SLC9B2: variants seen among roughly 807,000 people sequenced by gnomAD.
The protein encoded by SLC9B2 is sodium/hydrogen exchanger 9B2.
A neutral mutation model predicts 52.2 loss-of-function variants in SLC9B2; 39 were observed. The ratio of observed to expected loss-of-function variants is 0.75; its 90% CI spans 0.58 to 0.98. The LOEUF (loss-of-function observed/expected upper bound fraction) is 0.98, where lower values mean the gene tolerates loss of function less well. SLC9B2 is among the 50% of genes least tolerant of loss of function. The probability of loss-of-function intolerance (pLI) is 0.00; values close to 1 mark genes in which losing one functional copy is unlikely to be tolerated. For synonymous variants in SLC9B2, 214 were observed against 227.0 expected (o/e 0.94, Z 0.51); for missense variants, 626 against 637.5 (o/e 0.98, Z 0.19).
At chr4:103,068,861 T>TA (rs1746377450) in intron 1 of SLC9B2, among the ~76,000 whole-genome samples, 1 of 152,120 alleles carries the variant, frequency 6.6e-6, no homozygotes, top group African/African-American at 2.4e-5. Context: ...AAGGATGAAT[T>TA]AGACAGGACC....
intron 3 of SLC9B2, among the ~76,000 whole-genome samples, chr4:103,062,262 T>G (rs903572531): frequency 2.0e-5 from 3 of 151,902 alleles, no homozygotes; most frequent in Non-Finnish European, 2.9e-5. Flanking sequence ...CTCTACTAAA[T>G]ACAAAAATTA....
At chr4:103,037,238 A>G (rs533060102) in intron 9 of SLC9B2, among the ~76,000 whole-genome samples, 225 of 151,888 alleles carry the variant, frequency 1.5e-3, no homozygotes, top group African/African-American at 5.1e-3. Context: ...CAATTATTTC[A>G]ATGTTTAATC....
downstream of SLC9B2, among the ~76,000 whole-genome samples, chr4:103,018,192 T>A (rs1251421292): frequency 6.6e-6 from 1 of 152,180 alleles, no homozygotes; most frequent in East Asian, 1.9e-4. Flanking sequence ...AGAAGTACTA[T>A]AAAAACGATA....
intron 6 of SLC9B2, among the ~76,000 whole-genome samples, chr4:103,047,528 T>A (rs1744271844): frequency 6.7e-6 from 1 of 149,232 alleles, no homozygotes; most frequent in Non-Finnish European, 1.5e-5. Flanking sequence ...TATCTCCTAA[T>A]GCTATCCCTC....
chr4:103,035,380 T>C lies in SLC9B2; in HGVS notation c.1147-3572A>G, dbSNP rs6837658. Among the ~76,000 whole-genome samples, 1,405 of 152,198 alleles carry C rather than the reference T, an allele frequency of 9.2e-3. 21 individuals are homozygous for C. The highest frequency in any genetic ancestry group is 0.032 in the African/African-American group (1,344 of 41,548). On this transcript the variant is annotated intron_variant, in intron 9 of 11. Coordinates refer to ENST00000394785, the MANE Select transcript of SLC9B2 (RefSeq NM_178833.7). ...CACCACATTTTCTTTATTCAATGTA[T>C]CATTAATGGGCATTTATGTTGATTT...
intron 9 of SLC9B2, among the ~76,000 whole-genome samples, chr4:103,042,887 TA>T (rs776923089): frequency 4.6e-5 from 7 of 152,096 alleles, no homozygotes; most frequent in Admixed American, 4.6e-4. Flanking sequence ...TAATTGGCAC[TA>T]TTTTTTTTCT....
At chr4:103,048,853 G>T (rs781364451) in intron 6 of SLC9B2, 40 bp downstream of exon 6, 2 of 1,606,122 alleles carry the variant, frequency 1.2e-6, no homozygotes, top group Non-Finnish European at 1.7e-6. Flanking sequence ...AGCCCTAAAT[G>T]TCCCTACATA....
At chr4:103,074,869 G>A (rs1746972484) in intron 1 of SLC9B2, among the ~76,000 whole-genome samples, 1 of 152,128 alleles carries the variant, frequency 6.6e-6, no homozygotes, top group Non-Finnish European at 1.5e-5. Context: ...CACCTTCTCA[G>A]TATTTCCTAA....
rs1365532313 is a variant in SLC9B2 at position 103,022,509 on chromosome 4, CTT to C, written c.*3859_*3860del. Among the ~76,000 whole-genome samples the C allele has an allele frequency of 6.6e-6, 1 of 152,044 alleles. No individual in the cohort carries two copies. Among genetic ancestry groups the C allele is most frequent in the Non-Finnish European group, 1.5e-5 (1 of 67,996 alleles). On this transcript the variant is annotated 3_prime_UTR_variant, in exon 12 of 12. Transcript: ENST00000394785. ...ACATGTTTATATTAGTTTCAGTTTT[CTT>C]GTTTGTATTTTTCTGTGTTCTAAAT...
chr4:103,029,017 A>T, intron 10 of SLC9B2, 134 bp from the exon 11 acceptor site: 1 of 738,336 alleles, frequency 1.4e-6, no homozygotes, highest in Non-Finnish European at 2.1e-6. Context: ...AAAAATGTTT[A>T]GGAAGAATAT....
intron 1 of SLC9B2, among the ~76,000 whole-genome samples, chr4:103,069,279 C>A (rs1040832479): frequency 1.3e-5 from 2 of 152,048 alleles, no homozygotes; most frequent in African/African-American, 4.8e-5. Flanking sequence ...GAGAGTAATG[C>A]GAGATCAGGT....
intron 1 of SLC9B2, among the ~76,000 whole-genome samples, chr4:103,075,842 G>A (rs1041094363): frequency 3.9e-5 from 6 of 152,152 alleles, no homozygotes; most frequent in African/African-American, 9.7e-5. Context: ...CCTGAACTAT[G>A]TTTAGTTACT....
downstream of SLC9B2, among the ~76,000 whole-genome samples, chr4:103,018,061 T>C (rs1324605835): frequency 6.6e-6 from 1 of 152,212 alleles, no homozygotes; most frequent in East Asian, 1.9e-4. Context: ...ATTGAACATA[T>C]ATTACACTAT....
At chr4:103,075,349 C>A (rs1161714390) in intron 1 of SLC9B2, among the ~76,000 whole-genome samples, 2 of 152,068 alleles carry the variant, frequency 1.3e-5, no homozygotes, top group African/African-American at 4.8e-5. Context: ...GGGGTTTTAC[C>A]ATGTTGGCTA....
At chr4:103,038,932 T>C (rs1313916499) in intron 9 of SLC9B2, among the ~76,000 whole-genome samples, 2 of 152,136 alleles carry the variant, frequency 1.3e-5, no homozygotes, top group Non-Finnish European at 2.9e-5. Context: ...TAAAATAATA[T>C]CAGAAAACTA....
At chr4:103,019,484 G>A, downstream of SLC9B2, 2 of 663,158 alleles carry the variant, frequency 3.0e-6, no homozygotes, top group Non-Finnish European at 3.7e-6. Flanking sequence ...GAATCCCATT[G>A]AACTGAGGGG....
rs970846340 is a variant in SLC9B2, at chr4:103,026,307, T to C, written c.*63A>G. 1.8e-5 allele frequency: 24 copies of C among 1,351,406 alleles called. No homozygotes were observed. Among genetic ancestry groups the C allele is most frequent in the Non-Finnish European group, 2.2e-5 (22 of 980,580 alleles). 83.7% of individuals were successfully genotyped at this position (1,351,406 alleles called of 1,614,324 possible). A position where few individuals can be genotyped will look rare whatever the true frequency, so the allele number is the denominator to read the frequency against. ...TAAGCTTAAACATTACATATTTCAA[T>C]ATGCATCTTGAAAAAAGTAGCAGCT... On this transcript the variant is annotated 3_prime_UTR_variant, in exon 12 of 12. Transcript: ENST00000394785.
intron 3 of SLC9B2, among the ~76,000 whole-genome samples, chr4:103,062,858 C>T (rs1210000660): frequency 6.6e-6 from 1 of 152,184 alleles, no homozygotes; most frequent in African/African-American, 2.4e-5. Context: ...CATCCACCTG[C>T]CTTGGCCTCC....
rs139793539 is a variant in SLC9B2, at chr4:103,041,784, A to G, written c.1146+1512T>C. 3.5e-4 allele frequency among the ~76,000 whole-genome samples: 54 copies of G among 152,130 alleles called. No homozygotes were observed. The East Asian group carries it at 8.3e-3, about 23-fold the overall frequency. On this transcript the variant is annotated intron_variant, in intron 9 of 11. Coordinates refer to ENST00000394785, the MANE Select transcript of SLC9B2 (RefSeq NM_178833.7). ...TACAGTTGTACTACAGCATAGTACA[A>G]CTCACCTTGGAGTCAAATTAATCTG...
Sources: gnomAD v4.1 joint callset for allele counts (sites outside exome capture counted in the v4.1 genomes callset) on GRCh38, gnomAD v4.1.1 for gene constraint, MANE v1.5 for transcripts, NCBI Gene and HGNC (gene_info 2026-07-23, HGNC 2026-07-21) for gene names.